The following C19orf44 variants were observed in gnomAD, a reference collection of about 807,000 sequenced individuals.
C19orf44 encodes uncharacterized protein C19orf44.
Under a neutral mutation model 50.7 loss-of-function variants are expected in C19orf44, and 43 were observed. The ratio of observed to expected loss-of-function variants is 0.85; its 90% CI spans 0.66 to 1.09. The LOEUF (loss-of-function observed/expected upper bound fraction) is 1.09, where lower values mean the gene tolerates loss of function less well. C19orf44 is among the 50% of genes least tolerant of loss of function. The pLI is 0.00. For synonymous variants in C19orf44, 298 were observed against 334.7 expected (o/e 0.89, Z 1.20); for missense variants, 722 against 836.2 (o/e 0.86, Z 1.68).
chr19:16,509,434 A>G (rs778018029), intron 4 of C19orf44, 65 bp from the exon 5 acceptor site: 63 of 1,516,244 alleles, frequency 4.2e-5, no homozygotes, highest in Admixed American at 9.0e-5. Context: ...CTAGGAGTGC[A>G]GTGTTCCTAG....
intron 7 of C19orf44, among the ~76,000 whole-genome samples, chr19:16,515,489 T>G (rs995756395): frequency 6.6e-6 from 1 of 152,236 alleles, no homozygotes; most frequent in Non-Finnish European, 1.5e-5. Context: ...ATATATATAC[T>G]CCTTCAGACT....
At position 16,514,805 on chromosome 19, in the gene C19orf44, C is replaced by T. The variant is rs200104554; in HGVS notation, c.1902+142C>T. On this transcript the variant is annotated intron_variant, in intron 7 of 8. Coordinates refer to ENST00000221671, the MANE Select transcript of C19orf44 (RefSeq NM_032207.4). ...GGGATGCAGTGGGGCCATCACCTGT[C>T]CCTGTGGAGGGAGCCTCATTTCCTG... The T allele has an allele frequency of 9.0e-6, 8 of 890,648 alleles. 1 individual carries two copies. Among genetic ancestry groups the T allele is most frequent in the South Asian group, 5.1e-5 (2 of 39,594 alleles). 55.2% of individuals were successfully genotyped at this position (890,648 alleles called of 1,614,324 possible). A position where few individuals can be genotyped will look rare whatever the true frequency, so the allele number is the denominator to read the frequency against.
chr19:16,500,356 CT>C (rs374785196), intron 1 of C19orf44, among the ~76,000 whole-genome samples: 18,704 of 138,274 alleles, frequency 0.14, 1,148 homozygotes, highest in Non-Finnish European at 0.15. Flanking sequence ...TTTTCTTTTT[CT>C]TTTTTTTTTT....
chr19:16,504,180 A>G (rs2093433565), intron 3 of C19orf44, among the ~76,000 whole-genome samples: 1 of 151,978 alleles, frequency 6.6e-6, no homozygotes, highest in African/African-American at 2.4e-5. Context: ...TGGGTGACAG[A>G]GCAAGACTCC....
Position 16,520,270 on chromosome 19 carries a change from AGG to A in C19orf44, c.*219_*220del. On this transcript the variant is annotated 3_prime_UTR_variant, in exon 9 of 9. Coordinates refer to ENST00000221671, the MANE Select transcript of C19orf44 (RefSeq NM_032207.4). The surrounding 1 kb of genome is among the most constrained non-coding windows in gnomAD (Gnocchi z 4.0). ...GAGCGCGACCTGCTCCGACTTCTGCAGGGAAGGGTGCCCAAGGGTCAGCAGCA... is the reference window on the plus strand; with the variant it reads ...GAGCGCGACCTGCTCCGACTTCTGCAGAAGGGTGCCCAAGGGTCAGCAGCA... The A allele has an allele frequency of 2.5e-6, 4 of 1,613,426 alleles. No homozygotes were observed. The highest frequency in any genetic ancestry group is 3.4e-6 in the Non-Finnish European group (4 of 1,179,958).
chr19:16,517,211 T>G lies in C19orf44; in HGVS notation c.1903-19T>G, dbSNP rs779094295. The G allele has an allele frequency of 1.2e-6, 2 of 1,612,104 alleles. No homozygotes were observed. Among genetic ancestry groups the G allele is most frequent in the Non-Finnish European group, 1.7e-6 (2 of 1,178,510 alleles). ...TGAGGTGACGATGGTGATGGCGTGG[T>G]CTGTTCTCTGCCTGACAGTACATTA... is the stretch of plus-strand genomic sequence containing the variant. On this transcript the variant is annotated intron_variant, in intron 7 of 8. Coordinates refer to ENST00000221671, the MANE Select transcript of C19orf44 (RefSeq NM_032207.4).
intron 2 of C19orf44, among the ~76,000 whole-genome samples, chr19:16,502,270 A>G (rs920352089): frequency 7.4e-4 from 83 of 112,240 alleles, no homozygotes; most frequent in African/African-American, 3.0e-3. Context: ...ATGGAGTCTC[A>G]TTCTGTCACC....
Position 16,519,398 on chromosome 19 carries a change from T to C in C19orf44, c.*41-696T>C, listed in dbSNP as rs1352095899. On this transcript the variant is annotated intron_variant, in intron 8 of 8. Transcript: ENST00000221671. This position sits in a 1 kb window ranked among gnomAD's most constrained non-coding sequence, Gnocchi z 6.0. ...ACAACCACAACAAGGCGGAGGCAGA[T>C]GGGGGTGCACGTGGGGGGCTGAATG... 1 of 1,578,718 alleles carries C rather than the reference T, an allele frequency of 6.3e-7. No homozygotes were observed. The highest frequency in any genetic ancestry group is 8.6e-7 in the Non-Finnish European group (1 of 1,159,490).
At chr19:16,496,537 C>T (rs2093409713) in intron 1 of C19orf44, 72 bp downstream of exon 1, 1 of 303,024 alleles carries the variant, frequency 3.3e-6, no homozygotes, top group Non-Finnish European at 6.5e-6. Flanking sequence ...GGAAATGGGG[C>T]CTTCTCCGGG....
rs780714279 is a variant in C19orf44 at position 16,510,092 on chromosome 19, T to C, written c.1639+104T>C. The C allele has an allele frequency of 3.8e-6, 6 of 1,560,376 alleles. No homozygotes were observed. The African/African-American group carries it at 6.8e-5, about 18-fold the overall frequency. Reference sequence around the variant, plus strand: ...GTGGGAGAGCTCAGGTTCCTGAGATTTGGGCTCTTGTTATTAATCACCTGG... The same window carrying C: ...GTGGGAGAGCTCAGGTTCCTGAGATCTGGGCTCTTGTTATTAATCACCTGG... On this transcript the variant is annotated intron_variant, in intron 5 of 8. Transcript: ENST00000221671.
chr19:16,504,472 C>A (rs541297561), intron 3 of C19orf44, among the ~76,000 whole-genome samples: 8 of 152,308 alleles, frequency 5.3e-5, no homozygotes, highest in African/African-American at 1.2e-4. Flanking sequence ...CTCTTTCCCC[C>A]CAGCTGGCTG....
rs141918526 is a variant in C19orf44, at chr19:16,510,284, G to T, written c.1639+296G>T. Reference sequence around the variant, plus strand: ...TAGCTGGCTGTGGTGGTGTGTTCCTGTAATCCCAGCTACTCAGGAAGCTGA... The same window carrying T: ...TAGCTGGCTGTGGTGGTGTGTTCCTTTAATCCCAGCTACTCAGGAAGCTGA... On this transcript the variant is annotated intron_variant, in intron 5 of 8. Coordinates refer to ENST00000221671, the MANE Select transcript of C19orf44 (RefSeq NM_032207.4). 17 of 384,380 alleles carry T rather than the reference G, an allele frequency of 4.4e-5. No homozygotes were observed. In the East Asian group the frequency reaches 1.0e-3, roughly 23 times the overall value. The allele number at this position is 384,380 out of a possible 1,614,324, so 23.8% of individuals were successfully genotyped here.
At chr19:16,506,917 C>T in intron 4 of C19orf44, 143 bp downstream of exon 4, 1 of 595,042 alleles carries the variant, frequency 1.7e-6, no homozygotes. Flanking sequence ...AAGCAATCCT[C>T]CCGATTCAGC....
At chr19:16,517,144 CT>C (rs1356352027) in intron 7 of C19orf44, 85 bp from the exon 8 acceptor site, 6 of 1,269,160 alleles carry the variant, frequency 4.7e-6, no homozygotes, top group Non-Finnish European at 6.8e-6. Context: ...GGGACAGGTG[CT>C]GGCTCCACTC....
chr19:16,502,302 A>G (rs2093427864), intron 2 of C19orf44, among the ~76,000 whole-genome samples: 1 of 132,440 alleles, frequency 7.6e-6, no homozygotes, highest in East Asian at 2.2e-4. Context: ...CAGTGGCCTG[A>G]TCTCGGCTCA....
chr19:16,520,828 G>A lies in C19orf44; in HGVS notation c.*775G>A, dbSNP rs1429189559. 3 of 1,613,622 alleles carry A rather than the reference G, an allele frequency of 1.9e-6. No homozygotes were observed. The highest frequency in any genetic ancestry group is 1.7e-5 in the Admixed American group (1 of 60,024). On this transcript the variant is annotated 3_prime_UTR_variant, in exon 9 of 9. Coordinates refer to ENST00000221671, the MANE Select transcript of C19orf44 (RefSeq NM_032207.4). This position sits in a 1 kb window ranked among gnomAD's most constrained non-coding sequence, Gnocchi z 4.0. ...ACTGCAGACATCTGCGCTTTTACCT[G>A]TTCCTCTTCTCCTGGCCTTTCCTCC...
Position 16,501,008 on chromosome 19 carries a change from T to C in C19orf44, c.216T>C (p.Ser72=), listed in dbSNP as rs774288257. 1.2e-6 allele frequency: 2 copies of C among 1,613,298 alleles called. No homozygotes were observed. The highest frequency in any genetic ancestry group is 1.7e-5 in the Admixed American group (1 of 59,840). The change falls in exon 2 of 9, where the codon AGT becomes AGC. Residue 72 remains serine (S), a synonymous_variant. Transcript: ENST00000221671. ...TGAAAGAGAACCCTGTGCTCGGGAG[T>C]GGACCCAGGCTTGCCTCATGTAGAC... ...LLLKENPVLG[S]GPRLASCRPP...
At chr19:16,505,655 T>C (rs1416554740) in intron 3 of C19orf44, among the ~76,000 whole-genome samples, 6 of 152,198 alleles carry the variant, frequency 3.9e-5, no homozygotes. Context: ...TAGCCTTTTA[T>C]TTTTTATCAT....
chr19:16,521,100 C>T lies in C19orf44; in HGVS notation c.*1047C>T, dbSNP rs1325119222. 5 of 626,816 alleles carry T rather than the reference C, an allele frequency of 8.0e-6. No homozygotes were observed. The highest frequency in any genetic ancestry group is 1.4e-5 in the Non-Finnish European group (5 of 347,414). The allele number at this position is 626,816 out of a possible 1,614,324, so 38.8% of individuals were successfully genotyped here. ...GGGCTGTCCTCCTGCAGCCCAGTGGCTCCTCTGGTGCCCACGCCCTTGCCA... is the reference window on the plus strand; with the variant it reads ...GGGCTGTCCTCCTGCAGCCCAGTGGTTCCTCTGGTGCCCACGCCCTTGCCA... On this transcript the variant is annotated 3_prime_UTR_variant, in exon 9 of 9. Transcript: ENST00000221671.
Sources: gnomAD v4.1 joint callset for allele counts (sites outside exome capture counted in the v4.1 genomes callset) on GRCh38, gnomAD v4.1.1 for gene constraint, Gnocchi (gnomAD v3.1) non-coding constraint, MANE v1.5 for transcripts, NCBI Gene and HGNC (gene_info 2026-07-23, HGNC 2026-07-21) for gene names.